Variants in TTC28 observed in about 807,000 individuals in gnomAD.
TTC28 encodes the protein tetratricopeptide repeat protein 28.
Under a neutral mutation model 198.0 loss-of-function variants are expected in TTC28, and 61 were observed. The observed-to-expected ratio is 0.31, with a 90% CI of 0.25 to 0.38. The LOEUF (loss-of-function observed/expected upper bound fraction) is 0.38, where lower values mean the gene tolerates loss of function less well. TTC28 is among the 10% of genes least tolerant of loss of function. The pLI is 1.00. For missense variants in TTC28, 2,678 were observed against 3,164.0 expected (o/e 0.85, Z 3.69); for synonymous variants, 1,171 against 1,297.8 (o/e 0.90, Z 2.10).
intron 21 of TTC28, chr22:27,986,187 G>A (rs1238116667): frequency 2.0e-5 from 3 of 152,162 alleles, no homozygotes; most frequent in African/African-American, 7.2e-5. Flanking sequence ...GGAGGTGATT[G>A]GATTGGTTCG....
chr22:28,612,678 G>A (rs947587312), intron 2 of TTC28, among the ~76,000 whole-genome samples: 8 of 152,020 alleles, frequency 5.3e-5, no homozygotes, highest in Non-Finnish European at 7.4e-5. Context: ...GATTAAGAAA[G>A]TCACTCAAAA....
intron 2 of TTC28, among the ~76,000 whole-genome samples, chr22:28,593,948 G>A (rs2050488302): frequency 6.6e-6 from 1 of 152,054 alleles, no homozygotes; most frequent in Admixed American, 6.6e-5. Flanking sequence ...GAAAAAATCA[G>A]CTATAGAGCT....
intron 2 of TTC28, among the ~76,000 whole-genome samples, chr22:28,379,971 C>A (rs909956215): frequency 2.6e-5 from 4 of 151,672 alleles, no homozygotes; most frequent in African/African-American, 7.3e-5. Context: ...AGGACATCCA[C>A]GGGAAAACTA....
chr22:28,178,280 C>T (rs1283138658), intron 5 of TTC28, among the ~76,000 whole-genome samples: 5 of 142,222 alleles, frequency 3.5e-5, no homozygotes, highest in African/African-American at 8.0e-5. Flanking sequence ...CATGGTGAAA[C>T]GCCGTCTCTA....
chr22:28,626,592 A>G (rs1434949253), intron 2 of TTC28, among the ~76,000 whole-genome samples: 1 of 152,100 alleles, frequency 6.6e-6, no homozygotes, highest in Non-Finnish European at 1.5e-5. Context: ...GCCTAGAAAA[A>G]TAAGTATAAA....
chr22:28,516,461 G>A (rs1252578591), intron 2 of TTC28, among the ~76,000 whole-genome samples: 2 of 152,046 alleles, frequency 1.3e-5, no homozygotes, highest in South Asian at 4.1e-4. Flanking sequence ...TCCTTTGCAG[G>A]GACATGGATG....
intron 2 of TTC28, among the ~76,000 whole-genome samples, chr22:28,550,181 A>C (rs1195845128): frequency 6.6e-6 from 1 of 152,200 alleles, no homozygotes; most frequent in Non-Finnish European, 1.5e-5. Flanking sequence ...GGTATTATTG[A>C]CATTTTGCAG....
chr22:28,266,048 C>T (rs1374453706), intron 5 of TTC28, among the ~76,000 whole-genome samples: 1 of 151,804 alleles, frequency 6.6e-6, no homozygotes, highest in Admixed American at 6.6e-5. Flanking sequence ...GGTTTAGTGG[C>T]GTGCACCTGT....
intron 5 of TTC28, among the ~76,000 whole-genome samples, chr22:28,251,676 G>A (rs979338084): frequency 1.3e-5 from 2 of 152,114 alleles, no homozygotes; most frequent in African/African-American, 2.4e-5. Flanking sequence ...TTTGAGCCAC[G>A]TACCACAATC....
intron 21 of TTC28, 67 bp downstream of exon 21, chr22:27,989,811 G>A (rs1601486068): frequency 6.6e-7 from 1 of 1,512,154 alleles, no homozygotes; most frequent in Non-Finnish European, 8.9e-7. Flanking sequence ...ACAGAAACCA[G>A]GAGGAAAAAC....
chr22:28,083,235 A>G (rs998224534), intron 12 of TTC28, among the ~76,000 whole-genome samples: 12 of 152,204 alleles, frequency 7.9e-5, no homozygotes, highest in Admixed American at 2.6e-4. Context: ...AGATACACAT[A>G]CAGATCCAGA....
intron 2 of TTC28, among the ~76,000 whole-genome samples, chr22:28,550,983 A>G (rs1484486085): frequency 6.6e-6 from 1 of 152,170 alleles, no homozygotes; most frequent in Non-Finnish European, 1.5e-5. Context: ...ATATAATGAT[A>G]AAAGGACTAG....
At chr22:28,080,564 T>C (rs917421055) in intron 12 of TTC28, among the ~76,000 whole-genome samples, 6 of 146,366 alleles carry the variant, frequency 4.1e-5, no homozygotes, top group Non-Finnish European at 7.6e-5. Context: ...TGTTAAGTTG[T>C]AGGAGTTTTT....
At chr22:28,370,359 T>A (rs2046314172) in intron 2 of TTC28, among the ~76,000 whole-genome samples, 1 of 152,240 alleles carries the variant, frequency 6.6e-6, no homozygotes, top group Non-Finnish European at 1.5e-5. Flanking sequence ...TACCATCCTG[T>A]CACTTTCCTT....
chr22:28,160,348 C>G (rs543514599), intron 6 of TTC28, among the ~76,000 whole-genome samples: 1 of 151,942 alleles, frequency 6.6e-6, no homozygotes, highest in East Asian at 1.9e-4. Flanking sequence ...TACTATGTAC[C>G]CACAGAAATT....
rs1310271863 is a variant in TTC28, at chr22:28,405,417, G to A, written c.382-98774C>T. Among the ~76,000 whole-genome samples, 5 of 152,260 alleles carry A rather than the reference G, an allele frequency of 3.3e-5. No homozygotes were observed. In the East Asian group the frequency reaches 9.7e-4, roughly 29 times the overall value. The stretch of plus-strand genomic sequence containing the variant: ...GGGTGGTCACAGAGCCTTCCTTCAA[G>A]GAGAAGCATTTATAAATGTGCATAT... On this transcript the variant is annotated intron_variant, in intron 2 of 22. Transcript: ENST00000397906.
At chr22:28,323,078 G>C (rs2145852746) in intron 2 of TTC28, among the ~76,000 whole-genome samples, 1 of 152,310 alleles carries the variant, frequency 6.6e-6, no homozygotes, top group South Asian at 2.1e-4. Context: ...ATTTCTTACA[G>C]GTTTCAGGGA....
intron 6 of TTC28, among the ~76,000 whole-genome samples, chr22:28,138,169 T>A (rs961667184): frequency 2.0e-5 from 3 of 152,212 alleles, no homozygotes; most frequent in African/African-American, 4.8e-5. Flanking sequence ...CTAACAAGTT[T>A]AATTCATTCT....
At chr22:28,267,454 T>C (rs1422204845) in intron 5 of TTC28, among the ~76,000 whole-genome samples, 1 of 152,124 alleles carries the variant, frequency 6.6e-6, no homozygotes, top group Non-Finnish European at 1.5e-5. Flanking sequence ...CTGTAGAAAA[T>C]GGGAACAAGA....
Sources: allele counts gnomAD v4.1 joint callset (sites outside exome capture counted in the v4.1 genomes callset), GRCh38; gene constraint gnomAD v4.1.1; transcripts MANE v1.5; gene names NCBI Gene and HGNC (gene_info 2026-07-23, HGNC 2026-07-21).